Variants in MTOR observed in about 807,000 individuals in gnomAD.
The protein encoded by MTOR is serine/threonine-protein kinase mTOR.
Under a neutral mutation model 319.8 loss-of-function variants are expected in MTOR, and 70 were observed. That is an observed-to-expected ratio of 0.22 (90% CI 0.18 to 0.27). The LOEUF (loss-of-function observed/expected upper bound fraction) is 0.27, where lower values mean the gene tolerates loss of function less well. Among genes scored for constraint, MTOR ranks in the 10% least tolerant of loss-of-function variants. The pLI is 1.00. For missense variants in MTOR, 1,890 were observed against 3,274.4 expected, an observed-to-expected ratio of 0.58 and a Z score of 10.32; for synonymous variants, 1,183 against 1,211.4, an observed-to-expected ratio of 0.98 and a Z score of 0.49.
intron 28 of MTOR, among the ~76,000 whole-genome samples, chr1:11,198,703 T>A (rs1448765513): frequency 6.6e-6 from 1 of 152,198 alleles, no homozygotes; most frequent in Non-Finnish European, 1.5e-5. Flanking sequence ...TTAAACGAAC[T>A]ATTTTTTCCA....
At chr1:11,227,746 T>C (rs544325540) in intron 19 of MTOR, among the ~76,000 whole-genome samples, 2 of 152,210 alleles carry the variant, frequency 1.3e-5, no homozygotes, top group African/African-American at 4.8e-5. Flanking sequence ...AATAGCAAAA[T>C]TAGAAAGTCA....
At chr1:11,131,962 C>T (rs1245930481) in intron 38 of MTOR, 1 of 152,202 alleles carries the variant, frequency 6.6e-6, no homozygotes, top group African/African-American at 2.4e-5. Flanking sequence ...TTTTCCCATA[C>T]CTTCATTTAT....
At chr1:11,240,266 TCTCA>T in intron 11 of MTOR, 33 bp downstream of exon 11, 4 of 1,512,472 alleles carry the variant, frequency 2.6e-6, no homozygotes, top group East Asian at 4.6e-5. Flanking sequence ...TTCCAGCATC[TCTCA>T]CTATCTTGGC....
intron 6 of MTOR, among the ~76,000 whole-genome samples, chr1:11,251,327 T>C (rs1485792352): frequency 6.6e-6 from 1 of 152,218 alleles, no homozygotes; most frequent in Non-Finnish European, 1.5e-5. Context: ...CTTCCCCAGA[T>C]ACCTGTAGGG....
rs758195667 is a variant in MTOR, at chr1:11,199,466, C to T, written c.4108-63G>A. On this transcript the variant is annotated intron_variant, in intron 27 of 57. Transcript: ENST00000361445. This position sits in a 1 kb window ranked among gnomAD's most constrained non-coding sequence, Gnocchi z 4.5. ...CAGATGGGGCACAAACAAGAGAAGG[C>T]TGTGTGGATGCTTCTCTCCTCCCAC... is the stretch of plus-strand genomic sequence containing the variant. 510 of 1,613,494 alleles carry T rather than the reference C, an allele frequency of 3.2e-4. 1 individual carries two copies. The highest frequency in any genetic ancestry group is 3.4e-4 in the Non-Finnish European group (400 of 1,179,586).
At position 11,126,794 on chromosome 1, in the gene MTOR, G is replaced by A. The variant is rs746830077; in HGVS notation, c.6354C>T (p.Leu2118=). 3.7e-6 allele frequency: 6 copies of A among 1,613,302 alleles called. No individual in the cohort carries two copies. In the African/African-American group the frequency reaches 4.0e-5, roughly 11 times the overall value. The stretch of plus-strand genomic sequence containing the variant: ...AAACATATTGCAGCTCTAAGGATGT[G>A]AGCTGTAAATAATTACCAAAGGATT... ...FRRISKQLPQ[L]TSLELQYVSP... Residue 2118 remains leucine (L), a splice_region_variant and synonymous_variant, in exon 46 of 58, where the codon CTC becomes CTT. Transcript: ENST00000361445.
intron 29 of MTOR, among the ~76,000 whole-genome samples, chr1:11,167,096 G>A (rs902107275): frequency 6.6e-6 from 1 of 152,160 alleles, no homozygotes; most frequent in Non-Finnish European, 1.5e-5. Flanking sequence ...GGCCTGTCGT[G>A]GAGTGTGGGG....
At chr1:11,141,172 G>C (rs1173365902) in intron 34 of MTOR, among the ~76,000 whole-genome samples, 1 of 152,036 alleles carries the variant, frequency 6.6e-6, no homozygotes, top group African/African-American at 2.4e-5. Flanking sequence ...CTGGAGTAAA[G>C]TGGTGCAATC....
chr1:11,106,921 G>T lies in MTOR; in HGVS notation c.*564C>A. 7.3e-7 allele frequency: 1 copy of T among 1,369,366 alleles called. No homozygotes were observed. Among genetic ancestry groups the T allele is most frequent in the Non-Finnish European group, 9.6e-7 (1 of 1,038,398 alleles). 84.8% of individuals were successfully genotyped at this position (1,369,366 alleles called of 1,614,324 possible). ...AGTCGCAGCATCACTGGGTCTGATG[G>T]AAGACAGACCTTTTGTACTCATTTT... is the stretch of plus-strand genomic sequence containing the variant. On this transcript the variant is annotated 3_prime_UTR_variant, in exon 58 of 58. Transcript: ENST00000361445.
In MTOR at chr1:11,232,485, A is replaced by T. The variant is rs1287951378; in HGVS notation, c.2465T>A (p.Ile822Asn). 6.2e-7 allele frequency: 1 copy of T among 1,614,066 alleles called. No individual in the cohort carries two copies. The highest frequency in any genetic ancestry group is 8.5e-7 in the Non-Finnish European group (1 of 1,179,924). ...EMRKWVDELF[I>N]IIMDMLQDSS... ...ATCCTGGAGCATGTCCATGATGATAATAAAAAGTTCATCAACCCATTTCCT... is the reference window on the plus strand; with the variant it reads ...ATCCTGGAGCATGTCCATGATGATATTAAAAAGTTCATCAACCCATTTCCT... Residue 822 changes from isoleucine (I) to asparagine (N), a missense_variant, in exon 16 of 58, where the codon ATT becomes AAT. Ile to Asn is a moderately radical substitution (Grantham distance 149). Around this residue, in one of 15 missense-constraint regions of MTOR, gnomAD observed 377 missense variants for 653.9 expected, o/e 0.58. Transcript: ENST00000361445.
chr1:11,114,508 C>T (rs919435793), intron 52 of MTOR, 55 bp from the exon 53 acceptor site: 9 of 1,608,324 alleles, frequency 5.6e-6, no homozygotes, highest in Non-Finnish European at 7.7e-6. Context: ...CCACCCAAAG[C>T]AAGCCGAGGG....
At chr1:11,177,697 C>A (rs1388534704) in intron 28 of MTOR, among the ~76,000 whole-genome samples, 2 of 152,116 alleles carry the variant, frequency 1.3e-5, no homozygotes, top group African/African-American at 4.8e-5. Context: ...AGAGGACACG[C>A]TAAATCTGTA....
intron 36 of MTOR, 163 bp downstream of exon 36, chr1:11,139,141 A>G (rs1643568535): frequency 2.2e-6 from 2 of 913,952 alleles, no homozygotes; most frequent in Non-Finnish European, 1.7e-6. Flanking sequence ...GATTCACTCT[A>G]TGAAATCAGG....
chr1:11,130,974 T>G (rs1643119839), intron 38 of MTOR, 197 bp from the exon 39 acceptor site: 5 of 673,306 alleles, frequency 7.4e-6, no homozygotes, highest in Non-Finnish European at 1.2e-5. Context: ...GAGCACTAAC[T>G]ATATAACGTA....
intron 28 of MTOR, among the ~76,000 whole-genome samples, chr1:11,179,501 T>G (rs1472902139): frequency 3.3e-5 from 5 of 152,242 alleles, no homozygotes; most frequent in African/African-American, 4.8e-5. Flanking sequence ...AAGGGTCTTG[T>G]TTTGTAACAA....
chr1:11,230,654 GTA>G (rs1467978650), intron 18 of MTOR, among the ~76,000 whole-genome samples: 1 of 152,190 alleles, frequency 6.6e-6, no homozygotes, highest in African/African-American at 2.4e-5. Context: ...GTGATAATGT[GTA>G]TCTCTTGCAT....
chr1:11,208,399 C>T (rs1646207411), intron 25 of MTOR, among the ~76,000 whole-genome samples: 1 of 152,256 alleles, frequency 6.6e-6, no homozygotes, highest in Non-Finnish European at 1.5e-5. Flanking sequence ...GGCGTGAGCC[C>T]GTACACATGC....
At chr1:11,260,123 T>C (rs1313580795) in intron 1 of MTOR, among the ~76,000 whole-genome samples, 1 of 152,214 alleles carries the variant, frequency 6.6e-6, no homozygotes, top group Admixed American at 6.5e-5. Flanking sequence ...ACTACTACTA[T>C]GTACATGGCA....
intron 6 of MTOR, among the ~76,000 whole-genome samples, chr1:11,249,620 C>T (rs1331034818): frequency 7.3e-6 from 1 of 136,968 alleles, no homozygotes; most frequent in Non-Finnish European, 1.6e-5. Context: ...GGTGATGACT[C>T]TTAATGAGCA....
Sources: gnomAD v4.1 joint callset for allele counts (sites outside exome capture counted in the v4.1 genomes callset) on GRCh38, gnomAD v4.1.1 for gene constraint, gnomAD v4.1.1 regional missense constraint, Gnocchi (gnomAD v3.1) non-coding constraint, MANE v1.5 for transcripts, NCBI Gene and HGNC (gene_info 2026-07-23, HGNC 2026-07-21) for gene names.